The following TSPAN18 variants were observed in gnomAD, a reference collection of about 807,000 sequenced individuals.
TSPAN18 encodes tetraspanin-18.
A neutral mutation model predicts 27.3 loss-of-function variants in TSPAN18; 14 were observed. That is an observed-to-expected ratio of 0.51 (90% CI 0.34 to 0.80). TSPAN18 has a LOEUF of 0.80. TSPAN18 is among the 30% of genes least tolerant of loss of function. TSPAN18 has a pLI of 0.01. For synonymous variants in TSPAN18, 143 were observed against 136.5 expected (o/e 1.05, Z -0.33); for missense variants, 268 against 323.9 (o/e 0.83, Z 1.32).
At chr11:44,914,751 T>C (rs913581913) in intron 5 of TSPAN18, among the ~76,000 whole-genome samples, 6 of 152,154 alleles carry the variant, frequency 3.9e-5, no homozygotes, top group African/African-American at 1.4e-4. Flanking sequence ...GTGTTGCTGA[T>C]AATAGCATCT....
In TSPAN18 at chr11:44,919,954, C is replaced by A. The variant is rs780556465; in HGVS notation, c.570C>A (p.Ser190Arg). The change falls in exon 8 of 10, where the codon AGC (serine) becomes AGA (arginine). Residue 190 changes from serine to arginine, a missense_variant. By Grantham distance (110) the Ser-to-Arg change is moderately radical (BLOSUM62 -1). Coordinates refer to ENST00000520358, the MANE Select transcript of TSPAN18 (RefSeq NM_130783.5). ...AAAGTCGGGACGGGGTCCTGCTGAG[C>A]CGGGAGGAGTGCCTCCTGGGAAGGA... ...EPQSRDGVLL[S>R]REECLLGRSL... is the part of the protein sequence containing the mutation. 13 of 1,614,020 alleles carry A rather than the reference C, an allele frequency of 8.1e-6. No individual in the cohort carries two copies. Among genetic ancestry groups the A allele is most frequent in the Non-Finnish European group, 1.1e-5 (13 of 1,180,024 alleles).
chr11:44,747,327 G>A (rs556790199), intron 1 of TSPAN18, among the ~76,000 whole-genome samples: 62 of 152,316 alleles, frequency 4.1e-4, no homozygotes, highest in African/African-American at 1.4e-3. Context: ...CTGCCTTCTC[G>A]ACTTTTTATT....
intron 2 of TSPAN18, among the ~76,000 whole-genome samples, chr11:44,790,103 G>A (rs1468728652): frequency 6.6e-6 from 1 of 152,322 alleles, no homozygotes; most frequent in East Asian, 1.9e-4. Context: ...CAGCTTCACT[G>A]CTGGGCTCTA....
chr11:44,829,654 G>T (rs937190574), intron 2 of TSPAN18, among the ~76,000 whole-genome samples: 1 of 152,078 alleles, frequency 6.6e-6, no homozygotes, highest in Admixed American at 6.5e-5. Context: ...TTAGTGTGCG[G>T]TTTTTTGCGT....
chr11:44,895,076 G>A (rs1210053802), intron 3 of TSPAN18, among the ~76,000 whole-genome samples: 1 of 152,192 alleles, frequency 6.6e-6, no homozygotes, highest in African/African-American at 2.4e-5. Flanking sequence ...AGGACAGGTA[G>A]GAGAAAGGTA....
intron 1 of TSPAN18, among the ~76,000 whole-genome samples, chr11:44,729,409 C>T (rs1039387741): frequency 6.6e-6 from 1 of 152,120 alleles, no homozygotes; most frequent in Non-Finnish European, 1.5e-5. Flanking sequence ...CCCCTCTTCT[C>T]CCTACCCCCA....
intron 5 of TSPAN18, among the ~76,000 whole-genome samples, chr11:44,915,321 C>T (rs1224625207): frequency 1.3e-5 from 2 of 152,108 alleles, no homozygotes; most frequent in South Asian, 2.1e-4. Flanking sequence ...ACAGGGGAGG[C>T]GAGGCTGCAG....
At chr11:44,762,083 C>A (rs1293994275) in intron 1 of TSPAN18, among the ~76,000 whole-genome samples, 1 of 152,176 alleles carries the variant, frequency 6.6e-6, no homozygotes, top group Non-Finnish European at 1.5e-5. Flanking sequence ...TCAGCACTAC[C>A]CAAAGGCGGG....
intron 3 of TSPAN18, chr11:44,886,194 C>A (rs1858645377): frequency 6.6e-6 from 1 of 152,222 alleles, no homozygotes; most frequent in South Asian, 2.1e-4. Context: ...AGAGACCTCT[C>A]CTTCATGCTG....
At chr11:44,917,833 T>C (rs1038364250) in intron 5 of TSPAN18, 139 bp from the exon 6 acceptor site, 6 of 682,908 alleles carry the variant, frequency 8.8e-6, no homozygotes, top group Middle Eastern at 3.8e-4. Flanking sequence ...GAAAAATGTC[T>C]GATAGCAGTG....
At chr11:44,744,566 G>T (rs994265722) in intron 1 of TSPAN18, among the ~76,000 whole-genome samples, 2 of 152,126 alleles carry the variant, frequency 1.3e-5, no homozygotes, top group Admixed American at 1.3e-4. Context: ...ACCCCTCTCC[G>T]GGCCTGTTTG....
chr11:44,802,669 A>C (rs1044193705), intron 2 of TSPAN18, among the ~76,000 whole-genome samples: 6 of 147,760 alleles, frequency 4.1e-5, no homozygotes, highest in African/African-American at 1.5e-4. Context: ...AGAACTGGGG[A>C]AGAGGTGGCT....
chr11:44,762,067 A>G (rs573171766), intron 1 of TSPAN18, among the ~76,000 whole-genome samples: 227 of 152,320 alleles, frequency 1.5e-3, no homozygotes, highest in Non-Finnish European at 2.5e-3. Flanking sequence ...TTGGGAAGGC[A>G]GTTTGTCAGC....
At chr11:44,910,434 G>A (rs1232375234) in intron 5 of TSPAN18, among the ~76,000 whole-genome samples, 2 of 152,240 alleles carry the variant, frequency 1.3e-5, no homozygotes, top group Admixed American at 1.3e-4. Flanking sequence ...CTTTTGCAGT[G>A]GGCCCGTGCC....
chr11:44,894,843 C>T (rs1483548713), intron 3 of TSPAN18, among the ~76,000 whole-genome samples: 1 of 152,210 alleles, frequency 6.6e-6, no homozygotes, highest in African/African-American at 2.4e-5. Flanking sequence ...ACTTTGCAGA[C>T]TGGGGCACGG....
At chr11:44,884,083 C>A (rs1230779814) in intron 3 of TSPAN18, among the ~76,000 whole-genome samples, 1 of 152,128 alleles carries the variant, frequency 6.6e-6, no homozygotes, top group Non-Finnish European at 1.5e-5. Context: ...TGCCAGGGGC[C>A]CAGCCTCCTC....
intron 8 of TSPAN18, 57 bp from the exon 9 acceptor site, chr11:44,926,617 C>G (rs1860365345): frequency 6.6e-7 from 1 of 1,519,756 alleles, no homozygotes; most frequent in African/African-American, 1.4e-5. Flanking sequence ...ATGCTGGACT[C>G]TGACTCCAGG....
intron 3 of TSPAN18, among the ~76,000 whole-genome samples, chr11:44,879,000 G>C (rs768269903): frequency 6.6e-6 from 1 of 152,176 alleles, no homozygotes; most frequent in Non-Finnish European, 1.5e-5. Context: ...TCACAGCCAC[G>C]CGACCTGCGT....
At chr11:44,804,134 G>A (rs952885516) in intron 2 of TSPAN18, among the ~76,000 whole-genome samples, 35 of 151,116 alleles carry the variant, frequency 2.3e-4, no homozygotes, top group Admixed American at 1.2e-3. Flanking sequence ...ACAGAGTCTC[G>A]CTCTGTCGCC....
Sources: allele counts gnomAD v4.1 joint callset (sites outside exome capture counted in the v4.1 genomes callset), GRCh38; gene constraint gnomAD v4.1.1; transcripts MANE v1.5; gene names NCBI Gene and HGNC (gene_info 2026-07-23, HGNC 2026-07-21).